Variants in TGFB2 observed in about 807,000 individuals in gnomAD.
TGFB2 encodes transforming growth factor beta 2, also known as transforming growth factor beta-2 proprotein.
A neutral mutation model predicts 42.7 loss-of-function variants in TGFB2; 13 were observed. The observed-to-expected ratio is 0.30, with a 90% CI of 0.20 to 0.48. The LOEUF (loss-of-function observed/expected upper bound fraction) is 0.48, where lower values mean the gene tolerates loss of function less well. Among genes scored for constraint, TGFB2 ranks in the 20% least tolerant of loss-of-function variants. TGFB2 has a pLI of 0.99. For missense variants in TGFB2, 390 were observed against 517.5 expected (o/e 0.75, Z 2.39); for synonymous variants, 193 against 193.6 (o/e 1.00, Z 0.03).
At chr1:218,428,027 T>C (rs1476056862) in intron 2 of TGFB2, among the ~76,000 whole-genome samples, 2 of 152,224 alleles carry the variant, frequency 1.3e-5, no homozygotes, top group African/African-American at 4.8e-5. Flanking sequence ...ACTGCCATTC[T>C]AACTGGTGTG....
intron 2 of TGFB2, among the ~76,000 whole-genome samples, chr1:218,420,481 C>A (rs1346803578): frequency 2.0e-5 from 3 of 152,094 alleles, no homozygotes; most frequent in Non-Finnish European, 4.4e-5. Context: ...TCCCTTCAAC[C>A]TGGAGAAATG....
chr1:218,366,685 T>C (rs2102549391), intron 1 of TGFB2, among the ~76,000 whole-genome samples: 1 of 152,324 alleles, frequency 6.6e-6, no homozygotes, highest in South Asian at 2.1e-4. Context: ...TGGCCCCATT[T>C]CAGAGCTGCC....
At chr1:218,383,520 G>A (rs1658031962) in intron 1 of TGFB2, among the ~76,000 whole-genome samples, 1 of 152,176 alleles carries the variant, frequency 6.6e-6, no homozygotes, top group South Asian at 2.1e-4. Flanking sequence ...TGCATGAGAA[G>A]TGTGTGTATG....
chr1:218,395,862 C>T (rs1342778214), intron 1 of TGFB2, among the ~76,000 whole-genome samples: 1 of 152,160 alleles, frequency 6.6e-6, no homozygotes, highest in African/African-American at 2.4e-5. Context: ...GATCCACCCA[C>T]CTCGGCCTCC....
At chr1:218,379,383 C>T (rs10863394) in intron 1 of TGFB2, among the ~76,000 whole-genome samples, 115,908 of 151,024 alleles carry the variant, frequency 0.77, 44,585 homozygotes, top group Non-Finnish European at 0.81. Flanking sequence ...ATCCACCCGC[C>T]TTGGCCTCCC....
At chr1:218,436,776 G>A (rs1171587726) in intron 5 of TGFB2, among the ~76,000 whole-genome samples, 1 of 152,198 alleles carries the variant, frequency 6.6e-6, no homozygotes, top group East Asian at 1.9e-4. Context: ...AATGTCAGAG[G>A]CCATGAGTAA....
At chr1:218,440,881 C>T (rs1228602567) in intron 6 of TGFB2, among the ~76,000 whole-genome samples, 2 of 152,124 alleles carry the variant, frequency 1.3e-5, no homozygotes, top group Non-Finnish European at 2.9e-5. Context: ...GATGTATGTG[C>T]AGCCAAGCAC....
Position 218,366,907 on chromosome 1 carries a change from C to T in TGFB2, c.346+19860C>T, listed in dbSNP as rs146545736. On this transcript the variant is annotated intron_variant, in intron 1 of 6. Coordinates refer to ENST00000366930, the MANE Select transcript of TGFB2 (RefSeq NM_003238.6). ...CTGGTCCTTCAAGTGTGACCCTGAA[C>T]CTACAGCCCCTGTGGAGTTTTTGCC... Among the ~76,000 whole-genome samples, 6 of 152,334 alleles carry T rather than the reference C, an allele frequency of 3.9e-5. No individual in the cohort carries two copies. In the East Asian group the frequency reaches 1.2e-3, roughly 29 times the overall value.
At chr1:218,382,077 G>A (rs1231140614) in intron 1 of TGFB2, among the ~76,000 whole-genome samples, 2 of 151,982 alleles carry the variant, frequency 1.3e-5, no homozygotes, top group Admixed American at 6.6e-5. Flanking sequence ...TTACCAGATG[G>A]AGGCCACCAT....
chr1:218,419,881 G>T (rs1228031459), intron 2 of TGFB2, among the ~76,000 whole-genome samples: 1 of 152,154 alleles, frequency 6.6e-6, no homozygotes, highest in East Asian at 1.9e-4. Context: ...TAATGAAACT[G>T]ATATTCTTGG....
intron 1 of TGFB2, among the ~76,000 whole-genome samples, chr1:218,388,168 A>C (rs1658198649): frequency 6.6e-6 from 1 of 152,168 alleles, no homozygotes; most frequent in African/African-American, 2.4e-5. Flanking sequence ...TTCTGACAAT[A>C]AAAAAGGGGT....
chr1:218,358,403 C>T (rs1427195335), intron 1 of TGFB2, among the ~76,000 whole-genome samples: 1 of 152,132 alleles, frequency 6.6e-6, no homozygotes, highest in Non-Finnish European at 1.5e-5. Context: ...GTAACTTTGT[C>T]ATTTCTTCTA....
At chr1:218,434,767 T>G (rs1017473944) in intron 4 of TGFB2, among the ~76,000 whole-genome samples, 3 of 152,282 alleles carry the variant, frequency 2.0e-5, no homozygotes, top group African/African-American at 7.2e-5. Context: ...ATACTGATAT[T>G]ATAGAGAAAG....
At chr1:218,394,082 T>C (rs527992344) in intron 1 of TGFB2, among the ~76,000 whole-genome samples, 1 of 152,088 alleles carries the variant, frequency 6.6e-6, no homozygotes, top group Admixed American at 6.6e-5. Context: ...AATTTTTTTT[T>C]GTATTTTTAG....
At chr1:218,410,289 T>C (rs951840949) in intron 2 of TGFB2, among the ~76,000 whole-genome samples, 5 of 152,320 alleles carry the variant, frequency 3.3e-5, no homozygotes, top group African/African-American at 1.2e-4. Flanking sequence ...GTTCAGGGTT[T>C]GTCTTGTCCA....
chr1:218,418,172 C>T (rs1238391672), intron 2 of TGFB2, among the ~76,000 whole-genome samples: 1 of 152,220 alleles, frequency 6.6e-6, no homozygotes, highest in Non-Finnish European at 1.5e-5. Flanking sequence ...TCAACACTAG[C>T]CCATAAAAGC....
chr1:218,404,612 A>C (rs1416765391), intron 1 of TGFB2, among the ~76,000 whole-genome samples: 31 of 152,196 alleles, frequency 2.0e-4, no homozygotes, highest in Admixed American at 2.0e-3. Flanking sequence ...TGTTTATTCA[A>C]ATTTCCTCAT....
At chr1:218,436,329 G>A (rs10482818) in intron 5 of TGFB2, among the ~76,000 whole-genome samples, 182 bp downstream of exon 5, 13 of 152,182 alleles carry the variant, frequency 8.5e-5, no homozygotes, top group African/African-American at 3.1e-4. Flanking sequence ...CAGGTCTTTA[G>A]CAGTGAACCA....
At chr1:218,363,973 T>G (rs1657301776) in intron 1 of TGFB2, among the ~76,000 whole-genome samples, 1 of 152,228 alleles carries the variant, frequency 6.6e-6, no homozygotes, top group Non-Finnish European at 1.5e-5. Flanking sequence ...GTAAATTTTC[T>G]TAAAAAATTA....
Sources: gnomAD v4.1 joint callset for allele counts (sites outside exome capture counted in the v4.1 genomes callset) on GRCh38, gnomAD v4.1.1 for gene constraint, MANE v1.5 for transcripts, NCBI Gene and HGNC (gene_info 2026-07-23, HGNC 2026-07-21) for gene names.